The following RBFOX1 variants were observed in gnomAD, a reference collection of about 807,000 sequenced individuals.
RBFOX1 encodes RNA binding fox-1 homolog 1, also known as RNA binding protein fox-1 homolog 1.
A neutral mutation model predicts 57.7 loss-of-function variants in RBFOX1; 8 were observed. That is an observed-to-expected ratio of 0.14 (90% confidence interval 0.08 to 0.25). The LOEUF is 0.25. Among genes scored for constraint, RBFOX1 ranks in the 10% least tolerant of loss-of-function variants. The pLI is 1.00. For missense variants in RBFOX1, 611 were observed against 548.5 expected, an observed-to-expected ratio of 1.11 and a Z score of -1.14; for synonymous variants, 326 against 222.4, an observed-to-expected ratio of 1.47 and a Z score of -4.15.
At chr16:6,192,074 G>T (rs1213968674) in intron 1 of RBFOX1, among the ~76,000 whole-genome samples, 3 of 152,178 alleles carry the variant, frequency 2.0e-5, no homozygotes, top group Non-Finnish European at 4.4e-5. Context: ...AAGGAATTCA[G>T]CATGAGCTGC....
rs1046675403 is a variant in RBFOX1, at chr16:5,889,315, C to T, written c.351+21980C>T. Among the ~76,000 whole-genome samples the T allele has an allele frequency of 7.2e-5, 11 of 152,232 alleles. No homozygotes were observed. In the South Asian group the frequency reaches 2.1e-3, roughly 29 times the overall value. On this transcript the variant is annotated intron_variant, in intron 4 of 19. Coordinates refer to the RBFOX1 transcript ENST00000641259. ...CAGCTCCCCCTTATAAGTGAGAACACGTGGTGTTTGCTTTTCTTTTCTTGT... is the reference window on the plus strand; with the variant it reads ...CAGCTCCCCCTTATAAGTGAGAACATGTGGTGTTTGCTTTTCTTTTCTTGT...
At chr16:7,385,958 A>ATTTTTTTT (rs1555815003) in intron 4 of RBFOX1, among the ~76,000 whole-genome samples, 1 of 142,156 alleles carries the variant, frequency 7.0e-6, no homozygotes, top group Non-Finnish European at 1.5e-5. Context: ...TTATTTATTT[A>ATTTTTTTT]TTTTTTATTT....
At chr16:7,604,160 C>T (rs561917828) in intron 9 of RBFOX1, among the ~76,000 whole-genome samples, 1 of 152,076 alleles carries the variant, frequency 6.6e-6, no homozygotes, top group Non-Finnish European at 1.5e-5. Flanking sequence ...ATAGATATGC[C>T]ATTTGCTAAA....
At chr16:6,627,428 T>G (rs2098325700) in intron 2 of RBFOX1, among the ~76,000 whole-genome samples, 1 of 152,120 alleles carries the variant, frequency 6.6e-6, no homozygotes, top group African/African-American at 2.4e-5. Context: ...TTTTCCATTT[T>G]GAAAAGTTAC....
chr16:6,780,932 C>T (rs1418130922), intron 3 of RBFOX1, among the ~76,000 whole-genome samples: 3 of 151,954 alleles, frequency 2.0e-5, no homozygotes, highest in South Asian at 4.1e-4. Flanking sequence ...TGTTTTCTTC[C>T]ATTTTGTAGG....
chr16:5,611,029 A>G (rs547642096), intron 3 of RBFOX1, among the ~76,000 whole-genome samples: 4 of 152,052 alleles, frequency 2.6e-5, no homozygotes, highest in African/African-American at 7.2e-5. Context: ...GTGTCTCTCT[A>G]CAGCCTAGTC....
chr16:7,186,678 C>T (rs555583822), intron 4 of RBFOX1, among the ~76,000 whole-genome samples: 3 of 147,128 alleles, frequency 2.0e-5, no homozygotes, highest in Non-Finnish European at 3.0e-5. Context: ...TATATACATA[C>T]TTACGTCTTT....
At chr16:7,096,112 A>T (rs1160198764) in intron 4 of RBFOX1, among the ~76,000 whole-genome samples, 1 of 152,218 alleles carries the variant, frequency 6.6e-6, no homozygotes, top group African/African-American at 2.4e-5. Context: ...CCCAGGAGAC[A>T]TGATATGATC....
intron 1 of RBFOX1, among the ~76,000 whole-genome samples, chr16:6,137,999 A>G (rs1391170954): frequency 3.3e-5 from 5 of 152,098 alleles, no homozygotes; most frequent in South Asian, 2.1e-4. Flanking sequence ...TTCCATCACA[A>G]TCCAACTTAT....
chr16:6,512,960 G>A (rs1454272973), intron 2 of RBFOX1, among the ~76,000 whole-genome samples: 1 of 152,150 alleles, frequency 6.6e-6, no homozygotes, highest in Non-Finnish European at 1.5e-5. Context: ...TTTGTATTGG[G>A]ATGGAAAGGA....
chr16:6,624,774 G>C (rs1250760063), intron 2 of RBFOX1, among the ~76,000 whole-genome samples: 1 of 152,168 alleles, frequency 6.6e-6, no homozygotes, highest in Non-Finnish European at 1.5e-5. Context: ...TCAAGTCAGT[G>C]AAGGCAATTC....
chr16:5,425,321 G>A (rs2067525700), intron 1 of RBFOX1, among the ~76,000 whole-genome samples: 1 of 152,054 alleles, frequency 6.6e-6, no homozygotes, highest in African/African-American at 2.4e-5. Flanking sequence ...GGCCAGGCTG[G>A]TCTCGGACTC....
At chr16:6,626,030 G>C (rs901942225) in intron 2 of RBFOX1, among the ~76,000 whole-genome samples, 1 of 152,000 alleles carries the variant, frequency 6.6e-6, no homozygotes, top group Non-Finnish European at 1.5e-5. Flanking sequence ...TAAAGAAACA[G>C]CTTCACCTAA....
chr16:6,814,564 T>A (rs762789040), intron 3 of RBFOX1, among the ~76,000 whole-genome samples: 3 of 152,064 alleles, frequency 2.0e-5, no homozygotes, highest in Non-Finnish European at 4.4e-5. Context: ...GAAGTTACAC[T>A]GATGAGCATG....
intron 3 of RBFOX1, among the ~76,000 whole-genome samples, chr16:5,775,823 C>T (rs1027742705): frequency 5.9e-5 from 9 of 152,210 alleles, no homozygotes; most frequent in Non-Finnish European, 1.2e-4. Context: ...TAATTTCTGA[C>T]AGTGGAAATG....
intron 3 of RBFOX1, among the ~76,000 whole-genome samples, chr16:6,678,126 T>G (rs529385051): frequency 2.8e-4 from 43 of 152,330 alleles, no homozygotes; most frequent in African/African-American, 8.9e-4. Context: ...TTGTTTTGTT[T>G]TGTTGTGTTG....
intron 3 of RBFOX1, among the ~76,000 whole-genome samples, chr16:5,620,828 G>A (rs1177912456): frequency 1.3e-5 from 2 of 152,022 alleles, no homozygotes; most frequent in East Asian, 3.9e-4. Context: ...ACAGGCATGT[G>A]CCACTACACT....
intron 5 of RBFOX1, among the ~76,000 whole-genome samples, chr16:7,518,926 G>A (rs916318295): frequency 6.6e-6 from 1 of 152,168 alleles, no homozygotes; most frequent in Admixed American, 6.5e-5. Context: ...GGGAGACTGA[G>A]GTGGGAGGAT....
intron 4 of RBFOX1, among the ~76,000 whole-genome samples, chr16:7,267,785 G>C (rs774417903): frequency 6.6e-6 from 1 of 152,162 alleles, no homozygotes; most frequent in Non-Finnish European, 1.5e-5. Context: ...GAACCTGGGA[G>C]GCGGAGGCTG....
Sources: gnomAD v4.1 joint callset for allele counts (sites outside exome capture counted in the v4.1 genomes callset) on GRCh38, gnomAD v4.1.1 for gene constraint, MANE v1.5 for transcripts, NCBI Gene and HGNC (gene_info 2026-07-23, HGNC 2026-07-21) for gene names.